The following GSK3B variants were observed in gnomAD, a reference collection of about 807,000 sequenced individuals.
GSK3B encodes glycogen synthase kinase 3 beta, also known as glycogen synthase kinase-3 beta.
GSK3B carries 15 observed loss-of-function variants against 56.4 expected under a neutral mutation model. The ratio of observed to expected loss-of-function variants is 0.27; its 90% CI spans 0.18 to 0.41. The LOEUF is 0.41. Among genes scored for constraint, GSK3B ranks in the 10% least tolerant of loss-of-function variants. GSK3B has a pLI of 1.00. For missense variants in GSK3B, 300 were observed against 513.4 expected (o/e 0.58, Z 4.02); for synonymous variants, 181 against 188.9 (o/e 0.96, Z 0.34).
chr3:119,836,425 G>A (rs191446675), intron 10 of GSK3B, among the ~76,000 whole-genome samples: 2 of 152,120 alleles, frequency 1.3e-5, no homozygotes, highest in East Asian at 3.9e-4. Flanking sequence ...TAAATAAAAT[G>A]TGCCCCAAGG....
chr3:119,972,726 C>T (rs1056890025), intron 2 of GSK3B, among the ~76,000 whole-genome samples: 5 of 152,098 alleles, frequency 3.3e-5, no homozygotes, highest in South Asian at 2.1e-4. Flanking sequence ...TGAGCCACCG[C>T]GCCCACCTAT....
At chr3:119,907,415 AAGATTC>A (rs1160004515) in intron 6 of GSK3B, among the ~76,000 whole-genome samples, 1 of 152,162 alleles carries the variant, frequency 6.6e-6, no homozygotes, top group Admixed American at 6.5e-5. Context: ...TGACACTCAA[AAGATTC>A]AGGTGACAAC....
intron 1 of GSK3B, chr3:120,029,981 T>C: frequency 2.1e-6 from 1 of 466,508 alleles, no homozygotes; most frequent in Non-Finnish European, 4.3e-6. Context: ...CACCAGCATC[T>C]GGCCTCCCAG....
chr3:120,021,227 C>T (rs187338516), intron 1 of GSK3B, among the ~76,000 whole-genome samples: 1 of 151,900 alleles, frequency 6.6e-6, no homozygotes, highest in African/African-American at 2.4e-5. Flanking sequence ...CATGATTCAG[C>T]GGGTGCGGTG....
chr3:119,856,448 A>G lies in GSK3B; in HGVS notation c.1096+6971T>C, dbSNP rs559577424. Among the ~76,000 whole-genome samples the G allele has an allele frequency of 2.0e-5, 3 of 152,370 alleles. No individual in the cohort carries two copies. In the South Asian group the frequency reaches 6.2e-4, roughly 32 times the overall value. ...CACTCTACATTTTCCCCAGTAGAGT[A>G]CATCCAAAGTAGCAGGGTGGACCAA... On this transcript the variant is annotated intron_variant, in intron 9 of 10. Coordinates refer to ENST00000264235, the MANE Select transcript of GSK3B (RefSeq NM_001146156.2).
chr3:119,928,371 A>C (rs531879245), intron 3 of GSK3B, among the ~76,000 whole-genome samples: 11 of 152,016 alleles, frequency 7.2e-5, no homozygotes, highest in African/African-American at 2.4e-4. Flanking sequence ...TTTGGGAGGC[A>C]GAGGCGGGCG....
chr3:119,904,204 T>C (rs1462538256), intron 7 of GSK3B, among the ~76,000 whole-genome samples: 1 of 152,192 alleles, frequency 6.6e-6, no homozygotes, highest in Non-Finnish European at 1.5e-5. Flanking sequence ...TTTTGCCTTT[T>C]GGCCCACAAA....
chr3:120,007,281 C>G (rs2057737999), intron 1 of GSK3B, among the ~76,000 whole-genome samples: 2 of 151,964 alleles, frequency 1.3e-5, no homozygotes, highest in African/African-American at 4.8e-5. Flanking sequence ...GCCTACCAAC[C>G]AAAAAAAGTC....
At chr3:120,090,801 CTCAA>C (rs555472933) in intron 1 of GSK3B, among the ~76,000 whole-genome samples, 16 of 152,154 alleles carry the variant, frequency 1.1e-4, no homozygotes, top group Admixed American at 9.2e-4. Flanking sequence ...TCTTCTGAAT[CTCAA>C]TCAAACTTGT....
intron 2 of GSK3B, among the ~76,000 whole-genome samples, chr3:119,947,960 G>A (rs1576221344): frequency 6.6e-6 from 1 of 151,666 alleles, no homozygotes; most frequent in Non-Finnish European, 1.5e-5. Context: ...CCTTTGGGAA[G>A]TTTCAAAGTT....
At chr3:119,832,862 G>A (rs1450292389) in intron 10 of GSK3B, 2 of 397,240 alleles carry the variant, frequency 5.0e-6, no homozygotes, top group East Asian at 1.6e-4. Context: ...ATGAGGCTGT[G>A]ATTTTTGTCC....
intron 1 of GSK3B, among the ~76,000 whole-genome samples, chr3:120,078,926 C>A (rs1254597044): frequency 6.7e-6 from 1 of 149,322 alleles, no homozygotes; most frequent in Non-Finnish European, 1.5e-5. Context: ...CACACACACA[C>A]ACACACACAC....
At position 119,965,352 on chromosome 3, in the gene GSK3B, C is replaced by T. The variant is rs574662641; in HGVS notation, c.283-18001G>A. Among the ~76,000 whole-genome samples, 3 of 151,466 alleles carry T rather than the reference C, an allele frequency of 2.0e-5. No individual in the cohort carries two copies. The South Asian group carries it at 6.3e-4, about 32-fold the overall frequency. On this transcript the variant is annotated intron_variant, in intron 2 of 10. Coordinates refer to ENST00000264235, the MANE Select transcript of GSK3B (RefSeq NM_001146156.2). ...GTGCTGAGACTACAGGTGTTAGCCA[C>T]CGTGCCCAGCCATTTTTTTTTTTTA...
At chr3:119,827,580 G>A (rs112085409) in intron 10 of GSK3B, among the ~76,000 whole-genome samples, 11 of 83,438 alleles carry the variant, frequency 1.3e-4, no homozygotes, top group East Asian at 7.4e-4. Context: ...GTAAGATACC[G>A]TCTTTAAAAA....
rs910172421 is a variant in GSK3B, at chr3:119,825,659, A to C, written c.*1129T>G. On this transcript the variant is annotated 3_prime_UTR_variant, in exon 11 of 11. Coordinates refer to ENST00000264235, the MANE Select transcript of GSK3B (RefSeq NM_001146156.2). ...TAAAAAGCATGAGGTTAAAAAACAA[A>C]TTAAATACAGATTCTAGATTTGGAT... 2 of 227,608 alleles carry C rather than the reference A, an allele frequency of 8.8e-6. No individual in the cohort carries two copies. The highest frequency in any genetic ancestry group is 1.7e-5 in the Non-Finnish European group (2 of 114,750). 14.1% of individuals were successfully genotyped at this position (227,608 alleles called of 1,614,324 possible).
chr3:119,970,142 A>G (rs892149220), intron 2 of GSK3B, among the ~76,000 whole-genome samples: 3 of 152,166 alleles, frequency 2.0e-5, no homozygotes, highest in Non-Finnish European at 4.4e-5. Context: ...AAACTTTACT[A>G]TAGGTATGTA....
At chr3:119,943,604 G>C (rs1307775304) in intron 3 of GSK3B, among the ~76,000 whole-genome samples, 1 of 152,062 alleles carries the variant, frequency 6.6e-6, no homozygotes, top group Admixed American at 6.5e-5. Context: ...GACACTAAGA[G>C]AGACAACGAA....
chr3:119,955,494 T>C (rs1433313527), intron 2 of GSK3B, among the ~76,000 whole-genome samples: 1 of 152,168 alleles, frequency 6.6e-6, no homozygotes, highest in African/African-American at 2.4e-5. Context: ...TTGAGCTCAT[T>C]TAAAAAGTGC....
rs534617660 is a variant in GSK3B, at chr3:120,093,832, TCAA to T, written c.-401_-399del. On this transcript the variant is annotated 5_prime_UTR_variant, in exon 1 of 11. Transcript: ENST00000264235. ...TTTCCTCGGGGATTTTTTTTCCGAGTCAATGAAGAAGGGAAGCGGCGGAAGGAT... is the reference window on the plus strand; with the variant it reads ...TTTCCTCGGGGATTTTTTTTCCGAGTTGAAGAAGGGAAGCGGCGGAAGGAT... 3.3e-3 allele frequency: 655 copies of T among 196,958 alleles called. 1 individual carries two copies. Among genetic ancestry groups the T allele is most frequent in the African/African-American group, 0.014 (596 of 41,814 alleles). The allele number at this position is 196,958 out of a possible 1,614,324, so 12.2% of individuals were successfully genotyped here.
Sources: allele counts gnomAD v4.1 joint callset (sites outside exome capture counted in the v4.1 genomes callset), GRCh38; gene constraint gnomAD v4.1.1; transcripts MANE v1.5; gene names NCBI Gene and HGNC (gene_info 2026-07-23, HGNC 2026-07-21).